The following FLRT2 variants were observed in gnomAD, a reference collection of about 807,000 sequenced individuals.
The protein encoded by FLRT2 is leucine-rich repeat transmembrane protein FLRT2.
FLRT2 carries 15 observed loss-of-function variants against 40.0 expected under a neutral mutation model. The ratio of observed to expected loss-of-function variants is 0.38; its 90% CI spans 0.25 to 0.58. The LOEUF is 0.58. Among genes scored for constraint, FLRT2 ranks in the 20% least tolerant of loss-of-function variants. FLRT2 has a pLI of 0.71. For missense variants in FLRT2, 726 were observed against 840.0 expected (o/e 0.86, Z 1.68); for synonymous variants, 380 against 336.8 (o/e 1.13, Z -1.41).
chr14:85,611,033 T>G (rs1892832933), intron 1 of FLRT2, among the ~76,000 whole-genome samples: 1 of 152,100 alleles, frequency 6.6e-6, no homozygotes, highest in African/African-American at 2.4e-5. Context: ...GTAACTGGGA[T>G]TACAGGCACC....
Position 85,650,436 on chromosome 14 carries a change from T to C in FLRT2, c.*26939T>C, listed in dbSNP as rs979316985. The C allele has an allele frequency of 5.9e-5, 9 of 152,054 alleles. No homozygotes were observed. Among genetic ancestry groups the C allele is most frequent in the Non-Finnish European group, 1.2e-4 (8 of 67,976 alleles). 9.4% of individuals were successfully genotyped at this position (152,054 alleles called of 1,614,324 possible). ...AACTATCCTTCAATGAACACTCTTT[T>C]AATGTCATCTGGTGTCAGGTATGAG... On this transcript the variant is annotated 3_prime_UTR_variant, in exon 2 of 2. Coordinates refer to ENST00000330753, the MANE Select transcript of FLRT2 (RefSeq NM_013231.6).
At chr14:85,581,435 T>C (rs570582771) in intron 1 of FLRT2, among the ~76,000 whole-genome samples, 10 of 152,282 alleles carry the variant, frequency 6.6e-5, no homozygotes, top group East Asian at 1.9e-4. Context: ...GATGCTACCA[T>C]TGAGTCCTAG....
Position 85,622,684 on chromosome 14 carries a change from C to A in FLRT2, c.1170C>A (p.Asn390Lys). ...AGCCTCCCACCCTCTCTATTCCAAA[C>A]CCTAGCAGAAGCTACACGCCTCCAA... Reference protein sequence around the residue: ...TTQPPTLSIPNPSRSYTPPTP... With the variant: ...TTQPPTLSIPKPSRSYTPPTP... The change falls in exon 2 of 2, where the codon AAC becomes AAA. Residue 390 changes from asparagine to lysine, a missense_variant. Transcript: ENST00000330753. 1 of 1,614,070 alleles carries A rather than the reference C, an allele frequency of 6.2e-7. No individual in the cohort carries two copies. Among genetic ancestry groups the A allele is most frequent in the South Asian group, 1.1e-5 (1 of 91,082 alleles).
chr14:85,643,006 TC>T lies in FLRT2; in HGVS notation c.*19510del, dbSNP rs1894188631. On this transcript the variant is annotated 3_prime_UTR_variant, in exon 2 of 2. Transcript: ENST00000330753. ...CAGATCTGGTGTCTGGTGATGCTCCTCTTTTTGAGTTGTAAACAACTGCCCT... is the reference window on the plus strand; with the variant it reads ...CAGATCTGGTGTCTGGTGATGCTCCTTTTTTGAGTTGTAAACAACTGCCCT... 6.6e-6 allele frequency: 1 copy of T among 152,194 alleles called. No homozygotes were observed. Among genetic ancestry groups the T allele is most frequent in the Non-Finnish European group, 1.5e-5 (1 of 68,030 alleles). 9.4% of individuals were successfully genotyped at this position (152,194 alleles called of 1,614,324 possible).
chr14:85,621,467 T>C lies in FLRT2; in HGVS notation c.-48T>C. The C allele has an allele frequency of 6.7e-7, 1 of 1,500,096 alleles. No individual in the cohort carries two copies. The highest frequency in any genetic ancestry group is 9.0e-7 in the Non-Finnish European group (1 of 1,115,666). The allele number at this position is 1,500,096 out of a possible 1,614,324, so 92.9% of individuals were successfully genotyped here. A position where few individuals can be genotyped will look rare whatever the true frequency, so the allele number is the denominator to read the frequency against. On this transcript the variant is annotated 5_prime_UTR_variant, in exon 2 of 2. Transcript: ENST00000330753. The stretch of plus-strand genomic sequence containing the variant: ...TTGATTTTGCTGTTTATTTTTTTTT[T>C]CTTTTTCTTTTTCCCACCACATTGT...
rs781639291 is a variant in FLRT2 at position 85,630,285 on chromosome 14, C to CTTTTTTTTTT, written c.*6801_*6810dup. On this transcript the variant is annotated 3_prime_UTR_variant, in exon 2 of 2. Transcript: ENST00000330753. ...CATACCAATGGGTGATCATATCTGT[C>CTTTTTTTTTT]TTTTTTTTTTTTTTTTTTTTTTGGT... 3.2e-5 allele frequency: 3 copies of CTTTTTTTTTT among 93,456 alleles called. No homozygotes were observed. Among genetic ancestry groups the CTTTTTTTTTT allele is most frequent in the Admixed American group, 1.4e-4 (1 of 7,398 alleles). The allele number at this position is 93,456 out of a possible 1,614,324, so 5.8% of individuals were successfully genotyped here.
chr14:85,577,909 G>T (rs1378397121), intron 1 of FLRT2, among the ~76,000 whole-genome samples: 2 of 151,308 alleles, frequency 1.3e-5, no homozygotes, highest in African/African-American at 4.9e-5. Flanking sequence ...TTTTTTCACT[G>T]TCAATAGGAC....
chr14:85,578,624 G>A (rs1442055946), intron 1 of FLRT2, among the ~76,000 whole-genome samples: 5 of 152,276 alleles, frequency 3.3e-5, no homozygotes, highest in South Asian at 2.1e-4. Flanking sequence ...AATAGTCATC[G>A]TAGCATCGTG....
At chr14:85,535,633 A>G (rs1220925393) in intron 1 of FLRT2, among the ~76,000 whole-genome samples, 1 of 152,122 alleles carries the variant, frequency 6.6e-6, no homozygotes, top group Non-Finnish European at 1.5e-5. Context: ...TGAGAATACT[A>G]CTTCTCTTCC....
intron 1 of FLRT2, among the ~76,000 whole-genome samples, chr14:85,615,715 A>T (rs577574599): frequency 2.1e-5 from 1 of 46,956 alleles, no homozygotes; most frequent in South Asian, 4.2e-4. Context: ...ATTATTGTGC[A>T]AACAGTAGAG....
intron 1 of FLRT2, among the ~76,000 whole-genome samples, chr14:85,544,635 T>G (rs1048896306): frequency 6.6e-6 from 1 of 152,186 alleles, no homozygotes; most frequent in Non-Finnish European, 1.5e-5. Context: ...GGATCCATCT[T>G]TAGTCTTCAT....
In FLRT2 at chr14:85,605,269, A is replaced by G. The variant is rs73321527; in HGVS notation, c.-376-15870A>G. On this transcript the variant is annotated intron_variant, in intron 1 of 1. Transcript: ENST00000330753. ...AATATAATTGGAGATTGGGAACATC[A>G]TTAAGCCAGTACTGGCAGCTCTCTC... Among the ~76,000 whole-genome samples the G allele has an allele frequency of 8.3e-3, 1,263 of 152,282 alleles. 20 individuals carry two copies. The highest frequency in any genetic ancestry group is 0.028 in the African/African-American group (1,151 of 41,562).
At chr14:85,575,330 TACA>T (rs952703170) in intron 1 of FLRT2, among the ~76,000 whole-genome samples, 3 of 151,668 alleles carry the variant, frequency 2.0e-5, no homozygotes, top group African/African-American at 4.9e-5. Context: ...GATTAGTTCT[TACA>T]ACATTTTTTT....
In FLRT2 at chr14:85,627,485, T is replaced by C. The variant is rs1893735309; in HGVS notation, c.*3988T>C. ...AAAACAAATTTTTTTACTATAGTTT[T>C]TTGTTTTCTACCTGCACACCCACCA... On this transcript the variant is annotated 3_prime_UTR_variant, in exon 2 of 2. Transcript: ENST00000330753. 6.0e-6 allele frequency: 1 copy of C among 167,024 alleles called. No homozygotes were observed. The highest frequency in any genetic ancestry group is 1.5e-5 in the Non-Finnish European group (1 of 68,112). 10.3% of individuals were successfully genotyped at this position (167,024 alleles called of 1,614,324 possible). A position where few individuals can be genotyped will look rare whatever the true frequency, so the allele number is the denominator to read the frequency against.
intron 1 of FLRT2, among the ~76,000 whole-genome samples, chr14:85,594,299 G>T (rs1343717388): frequency 1.3e-5 from 2 of 152,084 alleles, no homozygotes; most frequent in African/African-American, 2.4e-5. Context: ...AATTGTGTAG[G>T]CCTTGATCAG....
chr14:85,616,671 C>A (rs904723147), intron 1 of FLRT2, among the ~76,000 whole-genome samples: 1 of 152,140 alleles, frequency 6.6e-6, no homozygotes, highest in African/African-American at 2.4e-5. Flanking sequence ...AGTGTTTTTC[C>A]TGATACCTCA....
At chr14:85,568,314 T>A (rs1890725588) in intron 1 of FLRT2, among the ~76,000 whole-genome samples, 1 of 152,060 alleles carries the variant, frequency 6.6e-6, no homozygotes, top group Admixed American at 6.5e-5. Context: ...TCTCGCTGAA[T>A]GGGCTGAGTT....
chr14:85,590,001 C>T (rs1288826748), intron 1 of FLRT2, among the ~76,000 whole-genome samples: 6 of 151,554 alleles, frequency 4.0e-5, no homozygotes, highest in African/African-American at 1.5e-4. Flanking sequence ...GTTACTATAG[C>T]TCTGTAGTAT....
chr14:85,552,953 TAA>T (rs1889730843), intron 1 of FLRT2: 1 of 151,878 alleles, frequency 6.6e-6, no homozygotes, highest in Non-Finnish European at 1.5e-5. Flanking sequence ...ACTGCAGGAG[TAA>T]TGGTATTTTT....
Sources: allele counts gnomAD v4.1 joint callset (sites outside exome capture counted in the v4.1 genomes callset), GRCh38; gene constraint gnomAD v4.1.1; transcripts MANE v1.5; gene names NCBI Gene and HGNC (gene_info 2026-07-23, HGNC 2026-07-21).